SBF2: variants seen among roughly 807,000 people sequenced by gnomAD.
The protein encoded by SBF2 is myotubularin-related protein 13.
In SBF2, 112 loss-of-function variants were observed where a neutral mutation model predicts 225.2. That is an observed-to-expected ratio of 0.50 (90% CI 0.43 to 0.58). The LOEUF (loss-of-function observed/expected upper bound fraction) is 0.58. Ranked by LOEUF, SBF2 falls within the 20% of genes least tolerant of loss-of-function variation. The probability of loss-of-function intolerance (pLI) is 0.00; values close to 1 mark genes in which losing one functional copy is unlikely to be tolerated. For missense variants in SBF2, 1,996 were observed against 2,206.2 expected (o/e 0.90, Z 1.91); for synonymous variants, 763 against 773.3 (o/e 0.99, Z 0.22).
chr11:10,195,978 C>G (rs1272546728), intron 1 of SBF2, among the ~76,000 whole-genome samples: 3 of 152,094 alleles, frequency 2.0e-5, no homozygotes, highest in Admixed American at 2.0e-4. Context: ...GTTGGAGGTA[C>G]ACAAATGAAA....
At chr11:9,807,941 A>G (rs1853945772) in intron 32 of SBF2, 59 bp downstream of exon 32, 4 of 1,439,948 alleles carry the variant, frequency 2.8e-6, no homozygotes, top group East Asian at 2.3e-5. Context: ...TGCTCCATCA[A>G]TGCTAGTATG....
intron 16 of SBF2, among the ~76,000 whole-genome samples, chr11:9,936,094 TCAAA>T (rs1265831253): frequency 1.3e-5 from 2 of 150,946 alleles, no homozygotes; most frequent in African/African-American, 2.4e-5. Flanking sequence ...TACAAAGAAC[TCAAA>T]CAAATTTACA....
chr11:9,855,803 T>A (rs1342511071), intron 19 of SBF2, among the ~76,000 whole-genome samples: 1 of 152,132 alleles, frequency 6.6e-6, no homozygotes, highest in African/African-American at 2.4e-5. Context: ...GAGACCTAAA[T>A]AAAGTGAGGA....
At chr11:9,886,924 T>C (rs1193034869) in intron 17 of SBF2, among the ~76,000 whole-genome samples, 1 of 152,144 alleles carries the variant, frequency 6.6e-6, no homozygotes, top group Non-Finnish European at 1.5e-5. Flanking sequence ...ATCTATCTTC[T>C]CTGTAAGCGT....
intron 33 of SBF2, among the ~76,000 whole-genome samples, chr11:9,792,276 C>G (rs1290174472): frequency 6.6e-6 from 1 of 151,806 alleles, no homozygotes; most frequent in Non-Finnish European, 1.5e-5. Context: ...ACTAAAGATA[C>G]AAAAATCAGC....
At chr11:10,226,316 A>G (rs1257071419) in intron 1 of SBF2, among the ~76,000 whole-genome samples, 1 of 151,284 alleles carries the variant, frequency 6.6e-6, no homozygotes, top group East Asian at 1.9e-4. Context: ...TGTGGTACAC[A>G]TGTATTTTTT....
chr11:10,258,484 A>G (rs1366483726), intron 1 of SBF2, among the ~76,000 whole-genome samples: 2 of 152,180 alleles, frequency 1.3e-5, no homozygotes, highest in African/African-American at 4.8e-5. Context: ...TTCACAGGCC[A>G]TTGCCTGGAA....
chr11:9,912,271 C>T (rs1862693565), intron 16 of SBF2, among the ~76,000 whole-genome samples: 1 of 133,604 alleles, frequency 7.5e-6, no homozygotes, highest in Non-Finnish European at 1.6e-5. Flanking sequence ...GAGATCACTC[C>T]ACTGCACTCT....
chr11:9,809,720 A>G (rs558066169), intron 30 of SBF2, among the ~76,000 whole-genome samples: 178 of 151,892 alleles, frequency 1.2e-3, no homozygotes, highest in African/African-American at 4.0e-3. Context: ...AATTTTTTGT[A>G]TTTTTAGTAG....
rs146435966 is a variant in SBF2 at position 10,237,662 on chromosome 11, G to A, written c.56-43675C>T. ...TAAAGCGTACAATTAAATGAGGTTT[G>A]ACGTGTATATACACTGGTGAAACCA... On this transcript the variant is annotated intron_variant, in intron 1 of 39. Transcript: ENST00000256190. Among the ~76,000 whole-genome samples the A allele has an allele frequency of 2.9e-3, 441 of 152,260 alleles. 4 individuals are homozygous for A. Among genetic ancestry groups the A allele is most frequent in the African/African-American group, 0.01 (428 of 41,534 alleles).
intron 2 of SBF2, among the ~76,000 whole-genome samples, chr11:10,162,689 G>C (rs531126903): frequency 1.3e-5 from 2 of 152,222 alleles, no homozygotes; most frequent in Admixed American, 6.5e-5. Context: ...TCCTTATCTG[G>C]CATGCAGTTA....
chr11:10,063,858 C>CAGAGAGAGAGAGAG (rs1555006975), intron 2 of SBF2, among the ~76,000 whole-genome samples: 10 of 136,166 alleles, frequency 7.3e-5, no homozygotes, highest in African/African-American at 2.7e-4. Context: ...CACACACACA[C>CAGAGAGAGAGAGAG]AGAGAGAGAG....
At chr11:10,218,320 A>ACCCC (rs57770393) in intron 1 of SBF2, among the ~76,000 whole-genome samples, 40 of 76,604 alleles carry the variant, frequency 5.2e-4, no homozygotes, top group Non-Finnish European at 6.1e-4. Context: ...GGAAAGACCC[A>ACCCC]CCCCCCCCCC....
chr11:10,143,778 C>A (rs959149797), intron 2 of SBF2, among the ~76,000 whole-genome samples: 43 of 151,914 alleles, frequency 2.8e-4, no homozygotes, highest in African/African-American at 1.0e-3. Flanking sequence ...ACTGCAGTAG[C>A]GCTATCTTGG....
chr11:10,072,986 G>A (rs561337082), intron 2 of SBF2, among the ~76,000 whole-genome samples: 26 of 151,838 alleles, frequency 1.7e-4, no homozygotes, highest in African/African-American at 5.6e-4. Context: ...TTGAACCCCC[G>A]GGCTCAAGCA....
chr11:10,004,223 T>A (rs12281072), intron 6 of SBF2, among the ~76,000 whole-genome samples: 2,951 of 152,214 alleles, frequency 0.019, 80 homozygotes, highest in African/African-American at 0.058. Context: ...GAAATCTAAA[T>A]ACAATTTTCA....
chr11:10,200,106 GT>G (rs931495576), intron 1 of SBF2, among the ~76,000 whole-genome samples: 1 of 152,042 alleles, frequency 6.6e-6, no homozygotes, highest in African/African-American at 2.4e-5. Flanking sequence ...ATCATGGGAG[GT>G]TTTATATACA....
At chr11:10,178,002 T>A (rs1335367636) in intron 2 of SBF2, among the ~76,000 whole-genome samples, 2 of 146,878 alleles carry the variant, frequency 1.4e-5, no homozygotes, top group African/African-American at 5.1e-5. Flanking sequence ...GAGATATAGA[T>A]CAATGGAACA....
chr11:10,154,445 A>G (rs1343609620), intron 2 of SBF2, among the ~76,000 whole-genome samples: 2 of 152,080 alleles, frequency 1.3e-5, no homozygotes, highest in African/African-American at 4.8e-5. Flanking sequence ...TTGCTAAGTC[A>G]ATCCTCTGAG....
Sources: gnomAD v4.1 joint callset for allele counts (sites outside exome capture counted in the v4.1 genomes callset) on GRCh38, gnomAD v4.1.1 for gene constraint, MANE v1.5 for transcripts, NCBI Gene and HGNC (gene_info 2026-07-23, HGNC 2026-07-21) for gene names.